HPSE2: variants seen among roughly 807,000 people sequenced by gnomAD.
HPSE2 encodes the protein heparanase 2 (inactive), also known as inactive heparanase-2.
Under a neutral mutation model 60.5 loss-of-function variants are expected in HPSE2, and 38 were observed. That is an observed-to-expected ratio of 0.63 (90% CI 0.48 to 0.82). The LOEUF (loss-of-function observed/expected upper bound fraction) is 0.82, where lower values mean the gene tolerates loss of function less well. HPSE2 is among the 40% of genes least tolerant of loss of function. The probability of loss-of-function intolerance (pLI) is 0.00; values close to 1 mark genes in which losing one functional copy is unlikely to be tolerated. For synonymous variants in HPSE2, 295 were observed against 293.2 expected (o/e 1.01, Z -0.06); for missense variants, 713 against 740.4 (o/e 0.96, Z 0.43).
the HPSE2 span, among the ~76,000 whole-genome samples, chr10:99,261,624 T>A: frequency 6.6e-6 from 1 of 152,180 alleles, no homozygotes; most frequent in African/African-American, 2.4e-5. Flanking sequence ...ATGCATTTTA[T>A]TACCCAATCC....
At chr10:98,719,782 C>T (rs1020872810) in intron 5 of HPSE2, among the ~76,000 whole-genome samples, 1 of 151,368 alleles carries the variant, frequency 6.6e-6, no homozygotes, top group Non-Finnish European at 1.5e-5. Context: ...GGGTGGATTA[C>T]CTGAGGTCAG....
At chr10:98,816,103 C>T (rs923381855) in intron 3 of HPSE2, among the ~76,000 whole-genome samples, 84 of 151,412 alleles carry the variant, frequency 5.5e-4, no homozygotes, top group Admixed American at 6.6e-4. Context: ...GGGTGCAGCA[C>T]ACCAACATGG....
chr10:98,463,180 T>C (rs1368113989), intron 11 of HPSE2, among the ~76,000 whole-genome samples: 2 of 152,148 alleles, frequency 1.3e-5, no homozygotes, highest in African/African-American at 4.8e-5. Context: ...CTGTGCCACA[T>C]TGCTGACAGT....
At chr10:98,931,184 T>C (rs1954631482) in intron 3 of HPSE2, among the ~76,000 whole-genome samples, 2 of 144,414 alleles carry the variant, frequency 1.4e-5, no homozygotes, top group Non-Finnish European at 3.0e-5. Context: ...ATTTTCTGCA[T>C]ATAACTAGCC....
intron 3 of HPSE2, among the ~76,000 whole-genome samples, chr10:98,877,612 A>T (rs1460701327): frequency 1.3e-5 from 2 of 151,950 alleles, no homozygotes; most frequent in Non-Finnish European, 2.9e-5. Flanking sequence ...TATTAGGTAT[A>T]TTTCAAAACT....
At chr10:98,643,451 C>A (rs957727786) in intron 6 of HPSE2, among the ~76,000 whole-genome samples, 10 of 152,182 alleles carry the variant, frequency 6.6e-5, no homozygotes, top group Non-Finnish European at 1.5e-4. Flanking sequence ...AGTGGAATTT[C>A]TGTGCTGGGG....
intron 3 of HPSE2, among the ~76,000 whole-genome samples, chr10:98,754,753 T>C (rs1949838771): frequency 6.7e-6 from 1 of 149,556 alleles, no homozygotes; most frequent in Admixed American, 6.6e-5. Context: ...TCTTTAAGAA[T>C]GCTGACTACA....
At chr10:98,593,061 A>G (rs768720569) in intron 9 of HPSE2, among the ~76,000 whole-genome samples, 73 of 152,352 alleles carry the variant, frequency 4.8e-4, no homozygotes, top group Middle Eastern at 3.4e-3. Context: ...CAATTTAATA[A>G]TACTTCACTA....
chr10:98,468,616 T>G (rs1330437410), intron 11 of HPSE2, among the ~76,000 whole-genome samples: 2 of 152,068 alleles, frequency 1.3e-5, no homozygotes, highest in African/African-American at 2.4e-5. Context: ...TTGGGTCATT[T>G]TGTCTGCTAC....
At chr10:98,858,075 C>T (rs1952361063) in intron 3 of HPSE2, among the ~76,000 whole-genome samples, 1 of 152,190 alleles carries the variant, frequency 6.6e-6, no homozygotes, top group African/African-American at 2.4e-5. Context: ...ATCTTTCAAA[C>T]TAGCTATTCT....
intron 3 of HPSE2, among the ~76,000 whole-genome samples, chr10:99,097,302 T>C (rs909732724): frequency 1.3e-5 from 2 of 152,200 alleles, no homozygotes; most frequent in Non-Finnish European, 2.9e-5. Flanking sequence ...TATCTTTTGG[T>C]TTAAGAACTT....
chr10:99,121,394 C>A (rs1844948388), intron 3 of HPSE2, among the ~76,000 whole-genome samples: 2 of 152,000 alleles, frequency 1.3e-5, no homozygotes, highest in South Asian at 4.1e-4. Context: ...ACCCCCATGA[C>A]ACAAATTTAC....
chr10:99,275,196 T>G, the HPSE2 span, among the ~76,000 whole-genome samples: 1 of 152,236 alleles, frequency 6.6e-6, no homozygotes, highest in Non-Finnish European at 1.5e-5. Flanking sequence ...GTTAGAGAAC[T>G]GAAGTACTTT....
chr10:99,144,468 G>A (rs1384031860), intron 2 of HPSE2, 69 bp from the exon 3 acceptor site: 6 of 1,565,618 alleles, frequency 3.8e-6, no homozygotes, highest in Non-Finnish European at 5.2e-6. Context: ...CATCATCAAA[G>A]TCTTGTTTCA....
At chr10:98,470,627 CTCAG>C (rs1940740037) in intron 11 of HPSE2, among the ~76,000 whole-genome samples, 1 of 152,246 alleles carries the variant, frequency 6.6e-6, no homozygotes, top group African/African-American at 2.4e-5. Context: ...GCCATTTCTT[CTCAG>C]TCAGCCAGAA....
chr10:98,902,075 T>G (rs1203544574), intron 3 of HPSE2, among the ~76,000 whole-genome samples: 1 of 152,180 alleles, frequency 6.6e-6, no homozygotes, highest in East Asian at 1.9e-4. Context: ...TCCATTATTT[T>G]TTTCGGCATT....
chr10:98,644,976 T>C (rs547139622), intron 6 of HPSE2, among the ~76,000 whole-genome samples: 5 of 152,178 alleles, frequency 3.3e-5, no homozygotes, highest in East Asian at 3.9e-4. Context: ...TTTATCTCAA[T>C]AGTGCTGGCA....
At chr10:99,094,438 T>A (rs566466816) in intron 3 of HPSE2, among the ~76,000 whole-genome samples, 2 of 148,306 alleles carry the variant, frequency 1.3e-5, no homozygotes, top group East Asian at 4.0e-4. Context: ...TTTTGATGTC[T>A]ACTTGCTCTA....
At chr10:98,689,096 G>A (rs1230633910) in intron 6 of HPSE2, among the ~76,000 whole-genome samples, 1 of 151,766 alleles carries the variant, frequency 6.6e-6, no homozygotes, top group East Asian at 1.9e-4. Flanking sequence ...TCCATCTTAG[G>A]GTTTACCTAG....
Sources: allele counts gnomAD v4.1 joint callset (sites outside exome capture counted in the v4.1 genomes callset), GRCh38; gene constraint gnomAD v4.1.1; transcripts MANE v1.5; gene names NCBI Gene and HGNC (gene_info 2026-07-23, HGNC 2026-07-21).